The following PKN3 variants were observed in gnomAD, a reference collection of about 807,000 sequenced individuals.
The protein encoded by PKN3 is protein kinase N3, also known as serine/threonine-protein kinase N3.
A neutral mutation model predicts 113.1 loss-of-function variants in PKN3; 91 were observed. The observed-to-expected ratio is 0.80, with a 90% CI of 0.68 to 0.96. PKN3 has a LOEUF of 0.96. Among genes scored for constraint, PKN3 ranks in the 40% least tolerant of loss-of-function variants. PKN3 has a pLI of 0.00. For synonymous variants in PKN3, 467 were observed against 499.0 expected, an observed-to-expected ratio of 0.94 and a Z score of 0.85; for missense variants, 1,052 against 1,202.2, an observed-to-expected ratio of 0.88 and a Z score of 1.85.
chr9:128,711,577 T>G (rs1389068508), intron 6 of PKN3, among the ~76,000 whole-genome samples: 2 of 151,310 alleles, frequency 1.3e-5, no homozygotes, highest in Non-Finnish European at 3.0e-5. Context: ...GGATTACAGG[T>G]GTGAGCCACC....
chr9:128,709,081 C>G (rs576449307), intron 6 of PKN3, among the ~76,000 whole-genome samples: 11 of 151,324 alleles, frequency 7.3e-5, no homozygotes, highest in Admixed American at 1.3e-4. Context: ...GTCAGGAGAT[C>G]GAGACCATCC....
At chr9:128,716,166 C>T (rs969325679) in intron 15 of PKN3, among the ~76,000 whole-genome samples, 1 of 151,436 alleles carries the variant, frequency 6.6e-6, no homozygotes, top group Non-Finnish European at 1.5e-5. Context: ...ATTAGCTGGG[C>T]GTGGTGGTGC....
intron 16 of PKN3, among the ~76,000 whole-genome samples, chr9:128,717,903 C>T (rs955971716): frequency 1.9e-4 from 28 of 147,972 alleles, no homozygotes; most frequent in African/African-American, 3.7e-4. Context: ...GGCGTGGTGG[C>T]GCGTGCCTGT....
intron 16 of PKN3, among the ~76,000 whole-genome samples, chr9:128,717,861 TAAAA>T (rs67487928): frequency 5.1e-5 from 5 of 97,848 alleles, no homozygotes; most frequent in Admixed American, 1.1e-4. Flanking sequence ...CTATAAAAAC[TAAAA>T]AAAAAAAAAA....
In PKN3 at chr9:128,720,038, G is replaced by T. The variant is rs777866781; in HGVS notation, c.2376+21G>T. On this transcript the variant is annotated intron_variant, in intron 20 of 21. Coordinates refer to ENST00000291906, the MANE Select transcript of PKN3 (RefSeq NM_013355.5). The surrounding 1 kb of genome is among the most constrained non-coding windows in gnomAD (Gnocchi z 5.5). Reference sequence around the variant, plus strand: ...AGAAGGTAAGCACTGCGGGGTCTGGGGCTGGGCTGGATGGCCGCTCAAGGC... The same window carrying T: ...AGAAGGTAAGCACTGCGGGGTCTGGTGCTGGGCTGGATGGCCGCTCAAGGC... 2.5e-6 allele frequency: 4 copies of T among 1,601,910 alleles called. No individual in the cohort carries two copies. In the South Asian group the frequency reaches 4.4e-5, roughly 18 times the overall value.
intron 2 of PKN3, 70 bp from the exon 3 acceptor site, chr9:128,705,664 G>A: frequency 6.5e-7 from 1 of 1,541,062 alleles, no homozygotes; most frequent in Non-Finnish European, 8.8e-7. Context: ...AGTAGGGGAA[G>A]GAGGAAAGGC....
At chr9:128,710,835 G>A (rs1862153656) in intron 6 of PKN3, among the ~76,000 whole-genome samples, 1 of 152,062 alleles carries the variant, frequency 6.6e-6, no homozygotes, top group Non-Finnish European at 1.5e-5. Context: ...GGCCTTGAAG[G>A]ACTTACACGG....
chr9:128,712,215 G>A (rs1456903444), intron 6 of PKN3, among the ~76,000 whole-genome samples: 1 of 152,078 alleles, frequency 6.6e-6, no homozygotes, highest in Non-Finnish European at 1.5e-5. Flanking sequence ...CGGCCGAGCT[G>A]TTCTTTCTAA....
At position 128,702,548 on chromosome 9, in the gene PKN3, A is replaced by C; in HGVS notation, c.-368A>C. Reference sequence around the variant, plus strand: ...GGCTCCCGCGGGCGCGCGGCGGGGAAGGCCAGAGGACCTGGGCGCGGGCGA... The same window carrying C: ...GGCTCCCGCGGGCGCGCGGCGGGGACGGCCAGAGGACCTGGGCGCGGGCGA... On this transcript the variant is annotated 5_prime_UTR_variant, in exon 1 of 22. Transcript: ENST00000291906. The C allele has an allele frequency of 1.0e-4, 22 of 220,278 alleles. No homozygotes were observed. The highest frequency in any genetic ancestry group is 3.0e-4 in the East Asian group (3 of 9,998). The allele number at this position is 220,278 out of a possible 1,614,324, so 13.6% of individuals were successfully genotyped here. A position where few individuals can be genotyped will look rare whatever the true frequency, so the allele number is the denominator to read the frequency against.
rs778899484 is a variant in PKN3 at position 128,715,489 on chromosome 9, G to T, written c.1808+29G>T. On this transcript the variant is annotated intron_variant, in intron 15 of 21. Coordinates refer to ENST00000291906, the MANE Select transcript of PKN3 (RefSeq NM_013355.5). This position sits in a 1 kb window ranked among gnomAD's most constrained non-coding sequence, Gnocchi z 4.1. ...TGTGGGGGTGCCGCAGGGCACCCAG[G>T]ATGGCTGGCCTGGGCTGTGGCATCC... The T allele has an allele frequency of 1.3e-6, 2 of 1,565,044 alleles. No homozygotes were observed. The highest frequency in any genetic ancestry group is 1.8e-6 in the Non-Finnish European group (2 of 1,136,082).
chr9:128,713,048 A>C lies in PKN3; in HGVS notation c.836-4A>C, dbSNP rs1251466485. The stretch of plus-strand genomic sequence containing the variant: ...ACAACGCCCCCCGCTCACTCTCCCC[A>C]CAGGGACACTGCAGGTCCGCCTCCT... On this transcript the variant is annotated splice_region_variant and splice_polypyrimidine_tract_variant and intron_variant, in intron 6 of 21. Transcript: ENST00000291906. The C allele has an allele frequency of 8.1e-6, 13 of 1,599,972 alleles. No homozygotes were observed. The highest frequency in any genetic ancestry group is 1.1e-5 in the Non-Finnish European group (13 of 1,171,224).
At chr9:128,703,034 C>G in intron 1 of PKN3, 95 bp downstream of exon 1, 1 of 859,678 alleles carries the variant, frequency 1.2e-6, no homozygotes, top group Non-Finnish European at 1.7e-6. Flanking sequence ...TCCCCCGATC[C>G]TCCCCTCACC....
chr9:128,703,994 G>C, intron 1 of PKN3: 1 of 985,480 alleles, frequency 1.0e-6, no homozygotes, highest in Non-Finnish European at 1.2e-6. Context: ...AGGGCGGTCA[G>C]AGGATTTCCT....
chr9:128,706,687 G>C (rs751575723), intron 3 of PKN3, 26 bp from the exon 4 acceptor site: 19 of 1,480,710 alleles, frequency 1.3e-5, no homozygotes, highest in Non-Finnish European at 1.6e-5. Context: ...GGCCTGGTCT[G>C]ATGGGCCTGT....
intron 6 of PKN3, 49 bp downstream of exon 6, chr9:128,707,454 A>T: frequency 6.7e-7 from 1 of 1,481,824 alleles, no homozygotes; most frequent in African/African-American, 1.4e-5. Context: ...TTTTGGGGGG[A>T]GGCCGGAAGC....
rs1206532680 is a variant in PKN3 at position 128,720,165 on chromosome 9, G to T, written c.2377-38G>T. ...CCTGTGGATGATGGCAGTGCCTGGG[G>T]CTGAATGCCCTAAGTGAGCGCCTGT... On this transcript the variant is annotated intron_variant, in intron 20 of 21. Transcript: ENST00000291906. This position sits in a 1 kb window ranked among gnomAD's most constrained non-coding sequence, Gnocchi z 5.5. The T allele has an allele frequency of 1.3e-6, 2 of 1,597,416 alleles. No homozygotes were observed. The highest frequency in any genetic ancestry group is 2.7e-5 in the African/African-American group (2 of 74,766).
rs1862275169 is a variant in PKN3 at position 128,714,345 on chromosome 9, C to T, written c.1461C>T (p.Ala487=). The change falls in exon 11 of 22, where the codon GCC becomes GCT. Residue 487 remains alanine, a synonymous_variant. Transcript: ENST00000291906. ...GGACCCCAACAACACTGCGAGAGGC[C>T]TCTGACCCTGCCACTCCCAGGTGAG... ...CPRTPTTLRE[A]SDPATPSNFL... 6.2e-7 allele frequency: 1 copy of T among 1,602,926 alleles called. No individual in the cohort carries two copies. Among genetic ancestry groups the T allele is most frequent in the Non-Finnish European group, 8.5e-7 (1 of 1,173,724 alleles).
At chr9:128,717,444 T>C (rs951714869) in intron 16 of PKN3, among the ~76,000 whole-genome samples, 6 of 151,520 alleles carry the variant, frequency 4.0e-5, no homozygotes, top group Non-Finnish European at 7.4e-5. Context: ...AGATCTTTAT[T>C]TGAAAAATAG....
chr9:128,719,942 G>A lies in PKN3; in HGVS notation c.2301G>A (p.Val767=), dbSNP rs374504276. 6.2e-7 allele frequency: 1 copy of A among 1,614,066 alleles called. No individual in the cohort carries two copies. Among genetic ancestry groups the A allele is most frequent in the African/African-American group, 1.3e-5 (1 of 74,944 alleles). ...TCCCAGGGGACACAGAGGAAGAGGT[G>A]TTTGACTGCATCGTCAACATGGACG... ...CPFPGDTEEE[V]FDCIVNMDAP... is the part of the protein sequence containing the mutation. Residue 767 remains valine, a synonymous_variant, in exon 20 of 22, where the codon GTG becomes GTA. Transcript: ENST00000291906.
Sources: allele counts gnomAD v4.1 joint callset (sites outside exome capture counted in the v4.1 genomes callset), GRCh38; gene constraint gnomAD v4.1.1; non-coding constraint Gnocchi (gnomAD v3.1); transcripts MANE v1.5; gene names NCBI Gene and HGNC (gene_info 2026-07-23, HGNC 2026-07-21).